Variants in ASTN2 observed in about 807,000 individuals in gnomAD.
ASTN2 encodes the protein astrotactin-2.
Under a neutral mutation model 139.8 loss-of-function variants are expected in ASTN2, and 54 were observed. The ratio of observed to expected loss-of-function variants is 0.39; its 90% CI spans 0.31 to 0.48. ASTN2 has a LOEUF of 0.48. Among genes scored for constraint, ASTN2 ranks in the 20% least tolerant of loss-of-function variants. The pLI is 0.95. For synonymous variants in ASTN2, 756 were observed against 719.5 expected, an observed-to-expected ratio of 1.05 and a Z score of -0.81; for missense variants, 1,565 against 1,725.1, an observed-to-expected ratio of 0.91 and a Z score of 1.64.
intron 16 of ASTN2, among the ~76,000 whole-genome samples, chr9:116,671,976 GA>G (rs542810316): frequency 6.6e-6 from 1 of 152,174 alleles, no homozygotes; most frequent in African/African-American, 2.4e-5. Flanking sequence ...AAAACTGTGA[GA>G]GGGGAAAAAA....
At chr9:116,493,473 T>A (rs1446795038) in intron 19 of ASTN2, among the ~76,000 whole-genome samples, 5 of 152,176 alleles carry the variant, frequency 3.3e-5, no homozygotes, top group Non-Finnish European at 7.3e-5. Flanking sequence ...CATTTCTTTA[T>A]CCACTCAGAC....
chr9:117,340,220 G>A (rs545704089), intron 1 of ASTN2, among the ~76,000 whole-genome samples: 19 of 150,750 alleles, frequency 1.3e-4, no homozygotes, highest in Non-Finnish European at 2.1e-4. Flanking sequence ...TAATCCCAGC[G>A]ACTCGGGAGG....
chr9:116,875,105 A>C (rs932824128), intron 10 of ASTN2, among the ~76,000 whole-genome samples: 4 of 152,162 alleles, frequency 2.6e-5, no homozygotes, highest in Non-Finnish European at 4.4e-5. Flanking sequence ...TTTAAATCAT[A>C]AGCTAGAAAT....
intron 5 of ASTN2, 61 bp from the exon 6 acceptor site, chr9:117,040,026 A>T (rs1838508700): frequency 2.0e-6 from 3 of 1,492,942 alleles, no homozygotes; most frequent in Non-Finnish European, 2.7e-6. Flanking sequence ...TGGGATTGGC[A>T]TCAAGTTTGG....
At chr9:117,117,921 T>G in intron 4 of ASTN2, among the ~76,000 whole-genome samples, 1 of 152,140 alleles carries the variant, frequency 6.6e-6, no homozygotes, top group Non-Finnish European at 1.5e-5. Flanking sequence ...CCCCTGCGTC[T>G]CATGGCAGCA....
chr9:117,400,092 C>G (rs540590256), intron 1 of ASTN2, among the ~76,000 whole-genome samples: 9 of 152,300 alleles, frequency 5.9e-5, no homozygotes, highest in African/African-American at 2.2e-4. Context: ...CTTGGAGTAG[C>G]CTATGCAGCC....
At chr9:117,136,389 A>C (rs1336387279) in intron 4 of ASTN2, among the ~76,000 whole-genome samples, 3 of 152,272 alleles carry the variant, frequency 2.0e-5, no homozygotes, top group African/African-American at 7.2e-5. Flanking sequence ...TATACTATGA[A>C]ATAAAATGGC....
rs540023257 is a variant in ASTN2, at chr9:116,740,668, A to T, written c.2397-7145T>A. 1.3e-4 allele frequency among the ~76,000 whole-genome samples: 19 copies of T among 151,604 alleles called. 1 individual carries two copies. The highest frequency in any genetic ancestry group is 1.1e-3 in the Admixed American group (16 of 15,196). On this transcript the variant is annotated intron_variant, in intron 13 of 22. Coordinates refer to ENST00000313400, the MANE Select transcript of ASTN2 (RefSeq NM_001365068.1). ...GCTGGGACTACAGGCGCCCACCACC[A>T]CGCTCTGCTAATTTTTTAATTTTTT... is the stretch of plus-strand genomic sequence containing the variant.
At chr9:116,894,332 G>A (rs920103465) in intron 10 of ASTN2, among the ~76,000 whole-genome samples, 17 of 152,060 alleles carry the variant, frequency 1.1e-4, no homozygotes, top group African/African-American at 4.1e-4. Flanking sequence ...AAAAGTCAAT[G>A]ACTCCATTAC....
chr9:116,834,876 T>C (rs1035719936), intron 11 of ASTN2, among the ~76,000 whole-genome samples: 2 of 152,158 alleles, frequency 1.3e-5, no homozygotes, highest in African/African-American at 4.8e-5. Context: ...AGTGAGATCC[T>C]ATCTTTTCAA....
rs116367564 is a variant in ASTN2, at chr9:117,135,722, C to T, written c.1168+5604G>A. Among the ~76,000 whole-genome samples the T allele has an allele frequency of 6.6e-3, 1,005 of 152,156 alleles. 11 individuals are homozygous for T. Among genetic ancestry groups the T allele is most frequent in the African/African-American group, 0.023 (941 of 41,502 alleles). On this transcript the variant is annotated intron_variant, in intron 4 of 22. Transcript: ENST00000313400. ...AGAGTGGCTTGCTGGGCTGCGGCTG[C>T]GGTAGGGGCTGAGAAAATGCTTCAC...
At chr9:117,370,048 C>T (rs1315710669) in intron 1 of ASTN2, among the ~76,000 whole-genome samples, 2 of 146,552 alleles carry the variant, frequency 1.4e-5, no homozygotes, top group Non-Finnish European at 3.0e-5. Context: ...TTACCCACCT[C>T]CCTCCACACT....
At chr9:117,092,427 G>A (rs1460105805) in intron 5 of ASTN2, among the ~76,000 whole-genome samples, 1 of 152,156 alleles carries the variant, frequency 6.6e-6, no homozygotes, top group Non-Finnish European at 1.5e-5. Flanking sequence ...AGGTCACACA[G>A]AAACGTGGTG....
intron 19 of ASTN2, among the ~76,000 whole-genome samples, chr9:116,537,461 A>G (rs1361153178): frequency 6.6e-6 from 1 of 152,178 alleles, no homozygotes; most frequent in Non-Finnish European, 1.5e-5. Context: ...TCTTGAACCT[A>G]TGGACATTAT....
intron 4 of ASTN2, among the ~76,000 whole-genome samples, chr9:117,105,487 T>C (rs1334098): frequency 0.058 from 8,843 of 152,124 alleles, 552 homozygotes; most frequent in East Asian, 0.19. Flanking sequence ...CCCGTGGATG[T>C]TTTGAGTTTT....
Position 116,487,426 on chromosome 9 carries a change from C to T in ASTN2, c.3430G>A (p.Gly1144Arg), listed in dbSNP as rs1467206013. 6.2e-7 allele frequency: 1 copy of T among 1,614,086 alleles called. No individual in the cohort carries two copies. Among genetic ancestry groups the T allele is most frequent in the South Asian group, 1.1e-5 (1 of 91,080 alleles). ...TAGATACTGACTTCAGGGACCTCTCCATGGCTTCGACCAGCTGCTACACAA... is the reference window on the plus strand; with the variant it reads ...TAGATACTGACTTCAGGGACCTCTCTATGGCTTCGACCAGCTGCTACACAA... ...TSCVAAGRSH[G>R]EVPEVSIYSV... Residue 1144 changes from glycine to arginine, a missense_variant, in exon 20 of 23, where the codon GGA becomes AGA. Gly to Arg is a moderately radical substitution (Grantham distance 125). This residue lies in a region of ASTN2 where 418 missense variants were observed against 465.8 expected (regional missense o/e 0.90). Coordinates refer to ENST00000313400, the MANE Select transcript of ASTN2 (RefSeq NM_001365068.1).
At position 116,565,385 on chromosome 9, in the gene ASTN2, C is replaced by A. The variant is rs1381719409; in HGVS notation, c.3355+52939G>T. On this transcript the variant is annotated intron_variant, in intron 19 of 22. Transcript: ENST00000313400. ...TCTCTCTCTCTCTCTCTCTCTCTCT[C>A]TCCATATATATATATATATATATAT... Among the ~76,000 whole-genome samples the A allele has an allele frequency of 3.6e-3, 112 of 30,702 alleles. 4 individuals are homozygous for A. The highest frequency in any genetic ancestry group is 6.0e-3 in the South Asian group (3 of 504). 20.1% of individuals were successfully genotyped at this position (30,702 alleles called of 152,430 possible).
intron 19 of ASTN2, among the ~76,000 whole-genome samples, chr9:116,613,980 T>C (rs1468694560): frequency 1.3e-5 from 2 of 152,122 alleles, no homozygotes; most frequent in African/African-American, 4.8e-5. Flanking sequence ...GAAAACCCCA[T>C]CGTCTCAGCA....
intron 4 of ASTN2, among the ~76,000 whole-genome samples, chr9:117,096,748 G>T (rs1210529433): frequency 6.6e-6 from 1 of 152,196 alleles, no homozygotes; most frequent in Non-Finnish European, 1.5e-5. Context: ...GAATATGGGG[G>T]AGTGCAATTC....
Sources: allele counts gnomAD v4.1 joint callset (sites outside exome capture counted in the v4.1 genomes callset), GRCh38; gene constraint gnomAD v4.1.1; regional missense constraint gnomAD v4.1.1; transcripts MANE v1.5; gene names NCBI Gene and HGNC (gene_info 2026-07-23, HGNC 2026-07-21).